The following PCCA variants were observed in gnomAD, a reference collection of about 807,000 sequenced individuals.
PCCA encodes the protein propionyl-CoA carboxylase subunit alpha, also known as propionyl-CoA carboxylase alpha chain, mitochondrial.
Under a neutral mutation model 101.3 loss-of-function variants are expected in PCCA, and 74 were observed. The observed-to-expected ratio is 0.73, with a 90% confidence interval of 0.61 to 0.89. The LOEUF (loss-of-function observed/expected upper bound fraction) is 0.89, where lower values mean the gene tolerates loss of function less well. Among genes scored for constraint, PCCA ranks in the 40% least tolerant of loss-of-function variants. The pLI is 0.00. For synonymous variants in PCCA, 294 were observed against 313.6 expected (o/e 0.94, Z 0.66); for missense variants, 891 against 907.0 (o/e 0.98, Z 0.23).
intron 18 of PCCA, among the ~76,000 whole-genome samples, chr13:100,364,304 A>G (rs1279926223): frequency 6.6e-6 from 1 of 152,214 alleles, no homozygotes; most frequent in Non-Finnish European, 1.5e-5. Flanking sequence ...CTTTGAGACT[A>G]TTTTGAATTT....
chr13:100,114,851 A>G (rs1209139992), intron 4 of PCCA, among the ~76,000 whole-genome samples: 1 of 152,170 alleles, frequency 6.6e-6, no homozygotes, highest in African/African-American at 2.4e-5. Flanking sequence ...CAACCACTAT[A>G]AAGAACAGTA....
chr13:100,353,273 C>G, intron 18 of PCCA, among the ~76,000 whole-genome samples: 1 of 152,256 alleles, frequency 6.6e-6, no homozygotes, highest in East Asian at 1.9e-4. Flanking sequence ...CCAAATAGAT[C>G]TAACAGACAT....
chr13:100,151,600 A>C (rs778459593), intron 4 of PCCA, among the ~76,000 whole-genome samples: 2 of 150,936 alleles, frequency 1.3e-5, no homozygotes, highest in Admixed American at 6.6e-5. Context: ...CAAAAAAAAA[A>C]CCAAACAAAC....
intron 21 of PCCA, among the ~76,000 whole-genome samples, chr13:100,483,488 T>C (rs3825505): frequency 0.51 from 77,669 of 152,022 alleles, 20,392 homozygotes; most frequent in East Asian, 0.83. Context: ...TTGGGAGTTC[T>C]GCTGCTCAGT....
At chr13:100,154,115 T>G (rs1321080691) in intron 4 of PCCA, among the ~76,000 whole-genome samples, 1 of 152,138 alleles carries the variant, frequency 6.6e-6, no homozygotes, top group East Asian at 1.9e-4. Flanking sequence ...TATATCTGCC[T>G]TGCAAAATAA....
intron 21 of PCCA, among the ~76,000 whole-genome samples, chr13:100,482,663 A>G (rs2084039299): frequency 6.6e-6 from 1 of 152,234 alleles, no homozygotes; most frequent in Non-Finnish European, 1.5e-5. Flanking sequence ...GTCTCAGCTC[A>G]CTGAAACCTC....
chr13:100,303,289 A>G (rs543282693), intron 14 of PCCA, among the ~76,000 whole-genome samples: 40 of 152,184 alleles, frequency 2.6e-4, no homozygotes, highest in Non-Finnish European at 5.1e-4. Flanking sequence ...AATCCTAAGA[A>G]TGAGAAATGA....
intron 16 of PCCA, among the ~76,000 whole-genome samples, chr13:100,319,685 A>G (rs1006446202): frequency 3.9e-5 from 6 of 152,110 alleles, no homozygotes; most frequent in African/African-American, 1.2e-4. Flanking sequence ...GTTCTGTTCC[A>G]TTGGTCCATA....
chr13:100,344,263 A>G (rs1481069381), intron 18 of PCCA, among the ~76,000 whole-genome samples: 1 of 152,216 alleles, frequency 6.6e-6, no homozygotes, highest in Non-Finnish European at 1.5e-5. Context: ...AGCAGATATT[A>G]AGGAGTCAGG....
intron 17 of PCCA, among the ~76,000 whole-genome samples, chr13:100,332,187 C>T (rs541834634): frequency 1.3e-5 from 2 of 152,242 alleles, no homozygotes; most frequent in South Asian, 2.1e-4. Flanking sequence ...ATCTGCCCGC[C>T]TCGGCCTCCC....
At chr13:100,130,277 C>T (rs973696699) in intron 4 of PCCA, among the ~76,000 whole-genome samples, 12 of 152,214 alleles carry the variant, frequency 7.9e-5, no homozygotes, top group African/African-American at 2.9e-4. Context: ...CTTGTTCCTG[C>T]TGCTGCTCAG....
intron 1 of PCCA, among the ~76,000 whole-genome samples, chr13:100,102,600 T>A (rs1183128398): frequency 1.3e-5 from 2 of 152,218 alleles, no homozygotes; most frequent in Non-Finnish European, 2.9e-5. Context: ...GCTCTATCCT[T>A]TTGAATGATC....
At chr13:100,481,915 C>T (rs2083973502) in intron 21 of PCCA, among the ~76,000 whole-genome samples, 1 of 152,174 alleles carries the variant, frequency 6.6e-6, no homozygotes, top group African/African-American at 2.4e-5. Context: ...CTCAGGCAGA[C>T]CCTATCTATG....
chr13:100,307,932 C>T (rs1168342771), intron 15 of PCCA, among the ~76,000 whole-genome samples: 3 of 152,150 alleles, frequency 2.0e-5, no homozygotes, highest in Non-Finnish European at 4.4e-5. Context: ...GATCTTGGCT[C>T]ACTGCAACCT....
chr13:100,296,651 C>T (rs1050358629), intron 12 of PCCA, among the ~76,000 whole-genome samples: 5 of 152,052 alleles, frequency 3.3e-5, no homozygotes, highest in African/African-American at 9.7e-5. Context: ...TCATATTTAC[C>T]ACATTTACTT....
At chr13:100,224,744 T>C (rs750921633) in intron 7 of PCCA, among the ~76,000 whole-genome samples, 1 of 152,216 alleles carries the variant, frequency 6.6e-6, no homozygotes, top group Non-Finnish European at 1.5e-5. Context: ...AAATGATAGC[T>C]AAGTGAAACC....
chr13:100,329,284 T>A lies in PCCA; in HGVS notation c.1430-1277T>A, dbSNP rs533640138. On this transcript the variant is annotated intron_variant, in intron 16 of 23. Coordinates refer to ENST00000376285, the MANE Select transcript of PCCA (RefSeq NM_000282.4). ...AATCTGAGCAATTTTCTTATTTGAG[T>A]TTAAAATGGGATGTAAAGCAGCAGA... Among the ~76,000 whole-genome samples the A allele has an allele frequency of 3.3e-5, 5 of 152,146 alleles. No homozygotes were observed. The South Asian group carries it at 1.0e-3, about 32-fold the overall frequency.
At chr13:100,451,715 CCTCTCTCT>C (rs71114697) in intron 21 of PCCA, among the ~76,000 whole-genome samples, 25 of 96,084 alleles carry the variant, frequency 2.6e-4, no homozygotes, top group African/African-American at 7.7e-4. Context: ...TCTCCTCTCT[CCTCTCTCT>C]CTCTCTCTCT....
intron 21 of PCCA, chr13:100,491,574 G>C (rs1429078535): frequency 1.2e-6 from 1 of 820,750 alleles, no homozygotes; most frequent in Non-Finnish European, 1.8e-6. Flanking sequence ...GCTGCAAAAT[G>C]TTGCCCTTGG....
Sources: allele counts gnomAD v4.1 joint callset (sites outside exome capture counted in the v4.1 genomes callset), GRCh38; gene constraint gnomAD v4.1.1; transcripts MANE v1.5; gene names NCBI Gene and HGNC (gene_info 2026-07-23, HGNC 2026-07-21).